Variants in NR2F1-AS1 observed in about 807,000 individuals in gnomAD.
The protein encoded by NR2F1-AS1 is NR2F1 regulatory antisense RNA 1.
chr5:93,513,641 T>C (rs889663342), intron 4 of NR2F1-AS1, among the ~76,000 whole-genome samples: 2 of 151,912 alleles, frequency 1.3e-5, no homozygotes, highest in Non-Finnish European at 2.9e-5. Context: ...CAATAGACAC[T>C]GAGGACTACC....
intron 4 of NR2F1-AS1, among the ~76,000 whole-genome samples, chr5:93,494,706 C>G (rs1750922997): frequency 6.6e-6 from 1 of 152,190 alleles, no homozygotes; most frequent in Non-Finnish European, 1.5e-5. Context: ...CTGTGGAAAA[C>G]AGTTTGGCTG....
At chr5:93,540,270 A>G (rs1281046698) in intron 4 of NR2F1-AS1, among the ~76,000 whole-genome samples, 1 of 152,232 alleles carries the variant, frequency 6.6e-6, no homozygotes. Flanking sequence ...ACTCTCTTTG[A>G]ATGGAAGGAA....
intron 4 of NR2F1-AS1, among the ~76,000 whole-genome samples, chr5:93,440,897 G>A (rs144777994): frequency 8.5e-5 from 13 of 152,244 alleles, no homozygotes; most frequent in Admixed American, 4.6e-4. Flanking sequence ...GGAAAGGCCT[G>A]TATACAGCAA....
chr5:93,558,536 G>A (rs1029724925), intron 2 of NR2F1-AS1, among the ~76,000 whole-genome samples: 4 of 152,002 alleles, frequency 2.6e-5, no homozygotes, highest in Non-Finnish European at 5.9e-5. Flanking sequence ...GGGCCAGGCT[G>A]GTCTCAAACT....
intron 4 of NR2F1-AS1, among the ~76,000 whole-genome samples, chr5:93,545,206 A>T (rs1324291297): frequency 6.6e-6 from 1 of 152,188 alleles, no homozygotes; most frequent in African/African-American, 2.4e-5. Flanking sequence ...GGCTTAGTAC[A>T]ACAAAAATTT....
At chr5:93,534,320 A>C (rs1402177473) in intron 4 of NR2F1-AS1, among the ~76,000 whole-genome samples, 2 of 152,206 alleles carry the variant, frequency 1.3e-5, no homozygotes, top group Non-Finnish European at 1.5e-5. Flanking sequence ...CAAATAATAA[A>C]GTGAAGATGC....
At chr5:93,553,536 C>G (rs1355094779) in intron 4 of NR2F1-AS1, among the ~76,000 whole-genome samples, 1 of 152,188 alleles carries the variant, frequency 6.6e-6, no homozygotes, top group Non-Finnish European at 1.5e-5. Flanking sequence ...GCTACTCAAA[C>G]AAATTTTAAG....
chr5:93,482,565 T>A (rs1171958259), intron 4 of NR2F1-AS1, among the ~76,000 whole-genome samples: 6 of 152,166 alleles, frequency 3.9e-5, no homozygotes, highest in Middle Eastern at 3.4e-3. Context: ...GTTTTTTTTT[T>A]ATACCCCAGT....
intron 4 of NR2F1-AS1, among the ~76,000 whole-genome samples, chr5:93,506,798 T>C (rs1751194742): frequency 6.6e-6 from 1 of 152,112 alleles, no homozygotes; most frequent in South Asian, 2.1e-4. Flanking sequence ...GAGATTTGGG[T>C]GGGGACACAG....
chr5:93,562,393 G>C (rs1752513034), intron 2 of NR2F1-AS1, among the ~76,000 whole-genome samples: 1 of 152,116 alleles, frequency 6.6e-6, no homozygotes, highest in African/African-American at 2.4e-5. Context: ...CCCGGCTCAA[G>C]TGATCCTCCC....
chr5:93,525,892 C>T (rs1751602367), intron 4 of NR2F1-AS1, among the ~76,000 whole-genome samples: 1 of 152,096 alleles, frequency 6.6e-6, no homozygotes. Flanking sequence ...TAAATGGCCA[C>T]AGGAGAAAGC....
upstream of NR2F1-AS1, among the ~76,000 whole-genome samples, chr5:93,581,668 G>GTCTCTCTCTCTCTCTCTCTCTCTCCTCTC (rs1753039472): frequency 3.1e-5 from 1 of 32,104 alleles, no homozygotes; most frequent in Non-Finnish European, 6.8e-5. Flanking sequence ...CGGGGTCTCG[G>GTCTCTCTCTCTCTCTCTCTCTCTCCTCTC]TCTCTCTCTC....
At chr5:93,513,703 A>G (rs1398743094) in intron 4 of NR2F1-AS1, among the ~76,000 whole-genome samples, 1 of 152,130 alleles carries the variant, frequency 6.6e-6, no homozygotes, top group East Asian at 1.9e-4. Context: ...ACTACTGGGT[A>G]CTATGCTCAT....
At chr5:93,479,870 G>T (rs920482929) in intron 4 of NR2F1-AS1, among the ~76,000 whole-genome samples, 1 of 151,812 alleles carries the variant, frequency 6.6e-6, no homozygotes, top group African/African-American at 2.4e-5. Flanking sequence ...GAACACAGTA[G>T]AAATAATGGA....
intron 4 of NR2F1-AS1, among the ~76,000 whole-genome samples, chr5:93,413,917 GA>G: frequency 6.6e-6 from 1 of 152,136 alleles, no homozygotes; most frequent in Admixed American, 6.5e-5. Context: ...TTACATCATA[GA>G]TCTCTGAGTC....
chr5:93,573,934 A>C (rs1038275674), intron 1 of NR2F1-AS1, among the ~76,000 whole-genome samples: 3 of 152,198 alleles, frequency 2.0e-5, no homozygotes, highest in African/African-American at 7.2e-5. Context: ...AGTAATTAGC[A>C]CATATGTTCT....
intron 4 of NR2F1-AS1, among the ~76,000 whole-genome samples, chr5:93,464,064 G>T (rs1750163493): frequency 1.3e-5 from 2 of 152,136 alleles, no homozygotes; most frequent in African/African-American, 4.8e-5. Flanking sequence ...GGAATGATAT[G>T]GTTTGGCTGT....
At chr5:93,532,777 C>T (rs1261240193) in intron 4 of NR2F1-AS1, among the ~76,000 whole-genome samples, 1 of 152,232 alleles carries the variant, frequency 6.6e-6, no homozygotes, top group Non-Finnish European at 1.5e-5. Flanking sequence ...TGGCTGAAAT[C>T]AGTATTGGAT....
At chr5:93,547,514 A>G (rs1752117094) in intron 4 of NR2F1-AS1, among the ~76,000 whole-genome samples, 1 of 152,200 alleles carries the variant, frequency 6.6e-6, no homozygotes, top group Non-Finnish European at 1.5e-5. Context: ...TAAAAGAATT[A>G]TTTTACATAT....
Sources: gnomAD v4.1 joint callset for allele counts (sites outside exome capture counted in the v4.1 genomes callset) on GRCh38, gnomAD v4.1.1 for gene constraint, MANE v1.5 for transcripts, NCBI Gene and HGNC (gene_info 2026-07-23, HGNC 2026-07-21) for gene names.